AGBL3: variants seen among roughly 807,000 people sequenced by gnomAD.
AGBL3 encodes the protein cytosolic carboxypeptidase 3.
In AGBL3, 68 loss-of-function variants were observed where a neutral mutation model predicts 94.5. The ratio of observed to expected loss-of-function variants is 0.72; its 90% CI spans 0.59 to 0.88. The LOEUF (loss-of-function observed/expected upper bound fraction) is 0.88, where lower values mean the gene tolerates loss of function less well. Among genes scored for constraint, AGBL3 ranks in the 40% least tolerant of loss-of-function variants. The pLI, the probability that AGBL3 is intolerant of heterozygous loss-of-function variation, is 0.00. For synonymous variants in AGBL3, 354 were observed against 370.7 expected (o/e 0.95, Z 0.52); for missense variants, 934 against 1,103.8 (o/e 0.85, Z 2.18).
intron 16 of AGBL3, chr7:135,129,461 GAAAAACTTC>G: frequency 1.3e-6 from 1 of 777,392 alleles, no homozygotes; most frequent in Non-Finnish European, 2.4e-6. Flanking sequence ...AGTGGCTAGA[GAAAAACTTC>G]AAGAACTGAC....
intron 16 of AGBL3, among the ~76,000 whole-genome samples, chr7:135,117,074 C>T (rs1826424627): frequency 6.6e-6 from 1 of 152,170 alleles, no homozygotes; most frequent in South Asian, 2.1e-4. Flanking sequence ...TATGTAATGT[C>T]CAGGATTTGT....
intron 15 of AGBL3, among the ~76,000 whole-genome samples, chr7:135,110,399 T>C (rs553791012): frequency 1.3e-5 from 2 of 152,212 alleles, no homozygotes; most frequent in Non-Finnish European, 2.9e-5. Flanking sequence ...CTAAAGCTCC[T>C]GGGGCTCTGT....
At chr7:135,019,361 A>T (rs1814162259) in intron 5 of AGBL3, among the ~76,000 whole-genome samples, 1 of 152,212 alleles carries the variant, frequency 6.6e-6, no homozygotes, top group African/African-American at 2.4e-5. Flanking sequence ...GAAGTCAATT[A>T]CCAATTGTTT....
chr7:135,074,890 C>T (rs892527096), intron 12 of AGBL3, among the ~76,000 whole-genome samples: 4 of 151,958 alleles, frequency 2.6e-5, no homozygotes, highest in African/African-American at 9.7e-5. Flanking sequence ...GATTATGTGC[C>T]GTATTTTGAG....
At chr7:135,070,749 A>G (rs1376169812) in intron 12 of AGBL3, among the ~76,000 whole-genome samples, 9 of 152,040 alleles carry the variant, frequency 5.9e-5, no homozygotes, top group Non-Finnish European at 1.2e-4. Context: ...GCTATCTATG[A>G]CAAACCCACA....
At chr7:134,989,667 A>T (rs1027732750) in intron 3 of AGBL3, among the ~76,000 whole-genome samples, 1 of 152,226 alleles carries the variant, frequency 6.6e-6, no homozygotes, top group Admixed American at 6.5e-5. Context: ...TCATTAATAA[A>T]GTCATTCATT....
At chr7:135,106,629 G>A (rs1824763029) in intron 15 of AGBL3, among the ~76,000 whole-genome samples, 1 of 152,132 alleles carries the variant, frequency 6.6e-6, no homozygotes, top group Non-Finnish European at 1.5e-5. Flanking sequence ...ATTTTGTTGA[G>A]GATTTTTGCA....
intron 12 of AGBL3, among the ~76,000 whole-genome samples, chr7:135,066,454 A>C (rs892532215): frequency 2.0e-5 from 3 of 152,192 alleles, no homozygotes; most frequent in Non-Finnish European, 4.4e-5. Context: ...GCTTGGTCAA[A>C]AAATTAAAAA....
At chr7:135,039,593 AGCATG>A (rs1816646975) in intron 8 of AGBL3, among the ~76,000 whole-genome samples, 1 of 151,808 alleles carries the variant, frequency 6.6e-6, no homozygotes, top group African/African-American at 2.4e-5. Context: ...AAATTAGCCA[AGCATG>A]GCAGTGTGTG....
At chr7:135,068,538 C>T (rs1323616104) in intron 12 of AGBL3, among the ~76,000 whole-genome samples, 4 of 152,142 alleles carry the variant, frequency 2.6e-5, no homozygotes, top group Non-Finnish European at 4.4e-5. Flanking sequence ...GCTGATCTCT[C>T]GGCAGAAACT....
In AGBL3 at chr7:134,995,771, G is replaced by C. The variant is rs10274389; in HGVS notation, c.310+2093G>C. 4.5e-3 allele frequency among the ~76,000 whole-genome samples: 678 copies of C among 152,290 alleles called. 13 individuals are homozygous for C. The highest frequency in any genetic ancestry group is 0.015 in the African/African-American group (642 of 41,546). On this transcript the variant is annotated intron_variant, in intron 4 of 16. Coordinates refer to ENST00000436302, the MANE Select transcript of AGBL3 (RefSeq NM_178563.4). The stretch of plus-strand genomic sequence containing the variant: ...CACAGCTACTGGTCACACTATCTGT[G>C]CAAGGTATAGTCATGCTGGATAAAA...
At chr7:135,039,039 GTAGA>G (rs1210545545) in intron 8 of AGBL3, among the ~76,000 whole-genome samples, 4 of 152,084 alleles carry the variant, frequency 2.6e-5, no homozygotes, top group Non-Finnish European at 5.9e-5. Flanking sequence ...TCTGGAACTG[GTAGA>G]TAGACAGTAG....
intron 15 of AGBL3, among the ~76,000 whole-genome samples, chr7:135,105,076 T>TTG (rs983849734): frequency 6.7e-6 from 1 of 149,380 alleles, no homozygotes; most frequent in African/African-American, 2.5e-5. Flanking sequence ...TCAAGTTTTT[T>TTG]TTTTTTTTTT....
At chr7:135,107,406 A>G (rs898285841) in intron 15 of AGBL3, among the ~76,000 whole-genome samples, 3 of 152,140 alleles carry the variant, frequency 2.0e-5, no homozygotes, top group Admixed American at 6.5e-5. Flanking sequence ...AGATTCTGGT[A>G]TGTTATATCT....
rs369588191 is a variant in AGBL3, at chr7:135,119,030, A to G, written c.2342+3419A>G. Among the ~76,000 whole-genome samples, 23 of 152,318 alleles carry G rather than the reference A, an allele frequency of 1.5e-4. No individual in the cohort carries two copies. The East Asian group carries it at 3.9e-3, about 26-fold the overall frequency. On this transcript the variant is annotated intron_variant, in intron 16 of 16. Coordinates refer to ENST00000436302, the MANE Select transcript of AGBL3 (RefSeq NM_178563.4). The stretch of plus-strand genomic sequence containing the variant: ...TAGAGCTGCAGGCACCTGTAGGACT[A>G]TAAGACAAAATCTAATAATATTCAC...
intron 5 of AGBL3, among the ~76,000 whole-genome samples, chr7:135,022,211 T>G (rs1015046154): frequency 5.9e-5 from 9 of 152,200 alleles, no homozygotes; most frequent in African/African-American, 2.2e-4. Flanking sequence ...TCAAATGGTA[T>G]TTCTGGTTCT....
chr7:135,071,494 C>A (rs1005818909), intron 12 of AGBL3, among the ~76,000 whole-genome samples: 1 of 152,172 alleles, frequency 6.6e-6, no homozygotes, highest in African/African-American at 2.4e-5. Context: ...ACGCATCACA[C>A]TACCTGACTT....
At chr7:135,072,156 G>T (rs1346276243) in intron 12 of AGBL3, among the ~76,000 whole-genome samples, 1 of 152,112 alleles carries the variant, frequency 6.6e-6, no homozygotes, top group Non-Finnish European at 1.5e-5. Flanking sequence ...AAAGACACAT[G>T]AAAAAAATGC....
chr7:135,112,276 C>G (rs1272425386), intron 15 of AGBL3, among the ~76,000 whole-genome samples: 1 of 152,190 alleles, frequency 6.6e-6, no homozygotes, highest in Non-Finnish European at 1.5e-5. Context: ...CCAGTGTGAT[C>G]TTTCAAAAAT....
Sources: allele counts gnomAD v4.1 joint callset (sites outside exome capture counted in the v4.1 genomes callset), GRCh38; gene constraint gnomAD v4.1.1; transcripts MANE v1.5; gene names NCBI Gene and HGNC (gene_info 2026-07-23, HGNC 2026-07-21).